Variants in TEX15 observed in about 807,000 individuals in gnomAD.
The protein encoded by TEX15 is testis-expressed protein 15.
A neutral mutation model predicts 237.3 loss-of-function variants in TEX15; 171 were observed. The ratio of observed to expected loss-of-function variants is 0.72; its 90% CI spans 0.64 to 0.82. The LOEUF (loss-of-function observed/expected upper bound fraction) is 0.82, where lower values mean the gene tolerates loss of function less well. TEX15 is among the 40% of genes least tolerant of loss of function. TEX15 has a pLI of 0.00. For missense variants in TEX15, 3,750 were observed against 3,646.5 expected (o/e 1.03, Z -0.73); for synonymous variants, 1,338 against 1,269.8 (o/e 1.05, Z -1.14).
intron 2 of TEX15, chr8:30,888,757 TAAG>T: frequency 1.1e-6 from 1 of 883,994 alleles, no homozygotes; most frequent in East Asian, 6.2e-5. Context: ...GATAAGGTTC[TAAG>T]AAGGTTCACA....
chr8:30,894,614 C>T (rs776975744), intron 2 of TEX15, among the ~76,000 whole-genome samples: 5 of 152,154 alleles, frequency 3.3e-5, no homozygotes, highest in Non-Finnish European at 7.3e-5. Context: ...TGGGAGAAAG[C>T]ACAGTCTGCA....
In TEX15 at chr8:30,842,067, G is replaced by T; in HGVS notation, c.8100C>A (p.Asp2700Glu). ...GTTGTTCCTGAGAGTCTTCACATTT[G>T]TCTACAGTGCTCGGTCGTTTTTTAG... ...NSSKKRPSTV[D>E]KCEDSQEQQQ... The change falls in exon 8 of 11, where the codon GAC becomes GAA. Residue 2700 changes from aspartate to glutamate, a missense_variant. Physicochemically the swap from Asp to Glu is conservative, Grantham distance 45. Coordinates refer to ENST00000643185, the MANE Select transcript of TEX15 (RefSeq NM_001350162.2). The T allele has an allele frequency of 6.2e-7, 1 of 1,613,178 alleles. No individual in the cohort carries two copies. Among genetic ancestry groups the T allele is most frequent in the African/African-American group, 1.3e-5 (1 of 74,978 alleles).
intron 7 of TEX15, among the ~76,000 whole-genome samples, chr8:30,850,121 C>T (rs1563246443): frequency 6.6e-6 from 1 of 151,912 alleles, no homozygotes; most frequent in Non-Finnish European, 1.5e-5. Flanking sequence ...GGTGGAAAAA[C>T]AGGGAAAGGA....
chr8:30,846,884 C>T lies in TEX15; in HGVS notation c.3283G>A (p.Ala1095Thr), dbSNP rs1775061016. The T allele has an allele frequency of 6.2e-7, 1 of 1,613,804 alleles. No individual in the cohort carries two copies. The highest frequency in any genetic ancestry group is 1.1e-5 in the South Asian group (1 of 91,054). ...TCCCAACTGATACGAGACTTCAGAG[C>T]CTTATATGAGGTCACAAATTCTTCA... ...LCEEFVTSYK[A>T]LKSRISWEGL... Residue 1095 changes from alanine to threonine, a missense_variant, in exon 8 of 11, where the codon GCT (alanine) becomes ACT (threonine). Coordinates refer to ENST00000643185, the MANE Select transcript of TEX15 (RefSeq NM_001350162.2).
In TEX15 at chr8:30,907,447, G is replaced by T. The variant is rs538781604; in HGVS notation, c.-86+5432C>A. Among the ~76,000 whole-genome samples, 1,172 of 146,826 alleles carry T rather than the reference G, an allele frequency of 8.0e-3. 14 individuals carry two copies. Among genetic ancestry groups the T allele is most frequent in the African/African-American group, 0.028 (1,112 of 40,126 alleles). On this transcript the variant is annotated intron_variant, in intron 1 of 10. Coordinates refer to ENST00000643185, the MANE Select transcript of TEX15 (RefSeq NM_001350162.2). ...TGCCTGGCTAATTTATATATACAAT[G>T]TATATATAAATTATATACAAAATGT...
intron 2 of TEX15, among the ~76,000 whole-genome samples, chr8:30,894,163 T>G (rs1341821673): frequency 6.6e-6 from 1 of 152,198 alleles, no homozygotes; most frequent in African/African-American, 2.4e-5. Context: ...TTTAAAAATA[T>G]ACTGTATTTA....
chr8:30,884,372 TC>T (rs779126132), intron 3 of TEX15, among the ~76,000 whole-genome samples: 15 of 152,204 alleles, frequency 9.9e-5, no homozygotes, highest in Non-Finnish European at 1.9e-4. Context: ...GAATATTCCT[TC>T]TACTTGTATC....
rs778747787 is a variant in TEX15, at chr8:30,843,478, G to A, written c.6689C>T (p.Ser2230Leu). 3.2e-5 allele frequency: 52 copies of A among 1,612,562 alleles called. No individual in the cohort carries two copies. Among genetic ancestry groups the A allele is most frequent in the Non-Finnish European group, 4.0e-5 (47 of 1,179,562 alleles). ...CAGATGGTCCTGTTTTCCTGGATACGAATGAACTTTAGGAGAGTCCCCACA... is the reference window on the plus strand; with the variant it reads ...CAGATGGTCCTGTTTTCCTGGATACAAATGAACTTTAGGAGAGTCCCCACA... Reference protein sequence around the residue: ...NVCGDSPKVHSYPGKQDHLWI... With the variant: ...NVCGDSPKVHLYPGKQDHLWI... The change falls in exon 8 of 11, where the codon TCG becomes TTG. Residue 2230 changes from serine to leucine, a missense_variant. Coordinates refer to ENST00000643185, the MANE Select transcript of TEX15 (RefSeq NM_001350162.2).
chr8:30,905,438 G>T (rs1199500603), intron 1 of TEX15, among the ~76,000 whole-genome samples: 2 of 151,998 alleles, frequency 1.3e-5, no homozygotes, highest in African/African-American at 4.8e-5. Context: ...TTAAATACCA[G>T]ATCACCAAAA....
At position 30,846,700 on chromosome 8, in the gene TEX15, A is replaced by T; in HGVS notation, c.3467T>A (p.Leu1156Gln). Residue 1156 changes from leucine to glutamine, a missense_variant, in exon 8 of 11, where the codon CTA becomes CAA. Coordinates refer to ENST00000643185, the MANE Select transcript of TEX15 (RefSeq NM_001350162.2). ...AAATATATTAGTAATTTTAATTTGT[A>T]GATCTGGAAGTAAAATTGGGCTGGT... ...ELTSPILLPD[L>Q]QIKITNIFRP... 1.2e-6 allele frequency: 2 copies of T among 1,613,576 alleles called. No homozygotes were observed. The highest frequency in any genetic ancestry group is 1.7e-6 in the Non-Finnish European group (2 of 1,179,700).
rs537362896 is a variant in TEX15, at chr8:30,882,867, G to T, written c.136+4300C>A. ...CAGTTTTGCTTCATATATTCTGAAGGCTCAAGTGATCCTCCCACCTCAGCC... is the reference window on the plus strand; with the variant it reads ...CAGTTTTGCTTCATATATTCTGAAGTCTCAAGTGATCCTCCCACCTCAGCC... On this transcript the variant is annotated intron_variant, in intron 3 of 10. Transcript: ENST00000643185. 2.0e-5 allele frequency among the ~76,000 whole-genome samples: 3 copies of T among 152,064 alleles called. No homozygotes were observed. In the South Asian group the frequency reaches 6.2e-4, roughly 32 times the overall value.
chr8:30,900,138 T>C (rs1376047653), intron 1 of TEX15, among the ~76,000 whole-genome samples: 4 of 152,166 alleles, frequency 2.6e-5, no homozygotes, highest in African/African-American at 9.7e-5. Context: ...ATTTTAGAAC[T>C]CATCATATAA....
intron 2 of TEX15, among the ~76,000 whole-genome samples, chr8:30,895,294 T>C (rs1808875798): frequency 1.3e-5 from 1 of 79,260 alleles, no homozygotes; most frequent in Non-Finnish European, 2.0e-5. Context: ...CGAGACTCCA[T>C]CTCAAAAAAA....
At chr8:30,888,772 G>A (rs1032649492) in intron 2 of TEX15, 1 of 674,966 alleles carries the variant, frequency 1.5e-6, no homozygotes. Context: ...AGGTTCACAA[G>A]GATGTCCCTC....
At chr8:30,902,552 C>T (rs1809028372) in intron 1 of TEX15, among the ~76,000 whole-genome samples, 2 of 152,110 alleles carry the variant, frequency 1.3e-5, no homozygotes, top group Admixed American at 6.6e-5. Context: ...ACACAGGTTG[C>T]CAATTCCTGG....
In TEX15 at chr8:30,875,734, A is replaced by T. The variant is rs188835218; in HGVS notation, c.137-632T>A. Among the ~76,000 whole-genome samples the T allele has an allele frequency of 1.4e-4, 22 of 152,218 alleles. No homozygotes were observed. In the East Asian group the frequency reaches 4.1e-3, roughly 28 times the overall value. ...TTCCACAAAGTTCCCACCAACATCGAGTCACAAACACTGTGTCACAAACTA... is the reference window on the plus strand; with the variant it reads ...TTCCACAAAGTTCCCACCAACATCGTGTCACAAACACTGTGTCACAAACTA... On this transcript the variant is annotated intron_variant, in intron 3 of 10. Coordinates refer to ENST00000643185, the MANE Select transcript of TEX15 (RefSeq NM_001350162.2).
chr8:30,885,078 T>C (rs557505539), intron 3 of TEX15, among the ~76,000 whole-genome samples: 24 of 152,310 alleles, frequency 1.6e-4, no homozygotes, highest in Non-Finnish European at 3.1e-4. Flanking sequence ...TTGATGCTTT[T>C]ATTATTTAGA....
intron 2 of TEX15, chr8:30,888,519 C>CCAT (rs1808714146): frequency 6.0e-6 from 5 of 831,430 alleles, no homozygotes; most frequent in Admixed American, 2.4e-5. Flanking sequence ...CCTGCAACCT[C>CCAT]CATCCCCTGC....
At chr8:30,905,444 C>A in intron 1 of TEX15, among the ~76,000 whole-genome samples, 1 of 151,930 alleles carries the variant, frequency 6.6e-6, no homozygotes, top group African/African-American at 2.4e-5. Context: ...ACCAGATCAC[C>A]AAAATAGAGT....
Sources: gnomAD v4.1 joint callset for allele counts (sites outside exome capture counted in the v4.1 genomes callset) on GRCh38, gnomAD v4.1.1 for gene constraint, MANE v1.5 for transcripts, NCBI Gene and HGNC (gene_info 2026-07-23, HGNC 2026-07-21) for gene names.